The following PDE4D variants were observed in gnomAD, a reference collection of about 807,000 sequenced individuals.
PDE4D encodes 3',5'-cyclic-AMP phosphodiesterase 4D.
Under a neutral mutation model 87.4 loss-of-function variants are expected in PDE4D, and 24 were observed. That is an observed-to-expected ratio of 0.27 (90% CI 0.20 to 0.39). The LOEUF is 0.39. Ranked by LOEUF, PDE4D falls within the 10% of genes least tolerant of loss-of-function variation. The pLI is 1.00. For missense variants in PDE4D, 714 were observed against 1,041.0 expected (o/e 0.69, Z 4.32); for synonymous variants, 384 against 383.2 (o/e 1.00, Z -0.02).
chr5:59,106,118 C>A (rs908030282), intron 5 of PDE4D, among the ~76,000 whole-genome samples: 1 of 152,196 alleles, frequency 6.6e-6, no homozygotes, highest in Admixed American at 6.5e-5. Flanking sequence ...GATACTGGAT[C>A]ATCCACCCAG....
intron 1 of PDE4D, among the ~76,000 whole-genome samples, chr5:59,730,288 C>G (rs1199522496): frequency 3.9e-5 from 6 of 152,066 alleles, no homozygotes; most frequent in Non-Finnish European, 8.8e-5. Context: ...TTCGTAGATA[C>G]TAAACTGGGG....
At chr5:59,989,200 T>A (rs1762767176) in intron 2 of PDE4D, among the ~76,000 whole-genome samples, 2 of 150,752 alleles carry the variant, frequency 1.3e-5, no homozygotes, top group Non-Finnish European at 3.0e-5. Flanking sequence ...TGTGTGAACA[T>A]CACAGTGTAT....
At chr5:60,425,551 T>G (rs1049457064) in intron 1 of PDE4D, among the ~76,000 whole-genome samples, 1 of 149,722 alleles carries the variant, frequency 6.7e-6, no homozygotes, top group African/African-American at 2.5e-5. Flanking sequence ...ATTAAAGACT[T>G]AAATGTTAGA....
chr5:59,193,109 A>G (rs189046400), intron 3 of PDE4D, among the ~76,000 whole-genome samples: 41 of 152,340 alleles, frequency 2.7e-4, no homozygotes, highest in African/African-American at 9.9e-4. Flanking sequence ...TGGCATATGT[A>G]AAAAAGAGAT....
At chr5:60,103,451 A>G (rs1776467553) in intron 2 of PDE4D, among the ~76,000 whole-genome samples, 1 of 152,228 alleles carries the variant, frequency 6.6e-6, no homozygotes, top group African/African-American at 2.4e-5. Context: ...CATTCCAGCC[A>G]TATATTACTA....
chr5:59,169,594 C>T (rs540054328), intron 5 of PDE4D, among the ~76,000 whole-genome samples: 10 of 152,252 alleles, frequency 6.6e-5, no homozygotes, highest in South Asian at 2.1e-4. Context: ...TTTCACTAAT[C>T]GTGGAGCACT....
intron 2 of PDE4D, among the ~76,000 whole-genome samples, chr5:60,034,662 T>C (rs7703245): frequency 0.29 from 44,600 of 152,130 alleles, 7,325 homozygotes; most frequent in East Asian, 0.74. Flanking sequence ...ACGACTTGGA[T>C]ATCTTTTGAG....
At chr5:59,374,565 C>T (rs1394943902) in intron 1 of PDE4D, among the ~76,000 whole-genome samples, 1 of 152,098 alleles carries the variant, frequency 6.6e-6, no homozygotes, top group Non-Finnish European at 1.5e-5. Flanking sequence ...CCTAGACTCC[C>T]ACACAATAAT....
At chr5:59,632,698 A>C (rs1294779822) in intron 1 of PDE4D, among the ~76,000 whole-genome samples, 2 of 152,216 alleles carry the variant, frequency 1.3e-5, no homozygotes, top group Non-Finnish European at 2.9e-5. Flanking sequence ...ACATCAACAA[A>C]AAAGATGACC....
At chr5:59,320,455 A>G (rs914456762) in intron 1 of PDE4D, among the ~76,000 whole-genome samples, 5 of 152,094 alleles carry the variant, frequency 3.3e-5, no homozygotes, top group African/African-American at 1.2e-4. Context: ...TGAGAAACCC[A>G]TACACAGGAG....
intron 1 of PDE4D, among the ~76,000 whole-genome samples, chr5:59,499,087 A>G (rs1230276296): frequency 4.0e-5 from 6 of 151,540 alleles, no homozygotes; most frequent in Non-Finnish European, 2.9e-5. Flanking sequence ...ACCACAGTGG[A>G]AAAAAAACAG....
chr5:59,883,690 C>T lies in PDE4D; in HGVS notation c.455+9478G>A, dbSNP rs73761033. On this transcript the variant is annotated intron_variant, in intron 1 of 14. Transcript: ENST00000340635. Reference sequence around the variant, plus strand: ...GTTAATAGCAATATATTTTACCAAGCAACTCATTTTTTAACTTACCGATAT... The same window carrying T: ...GTTAATAGCAATATATTTTACCAAGTAACTCATTTTTTAACTTACCGATAT... 8.7e-3 allele frequency among the ~76,000 whole-genome samples: 1,320 copies of T among 152,144 alleles called. 22 individuals are homozygous for T. The highest frequency in any genetic ancestry group is 0.03 in the African/African-American group (1,253 of 41,518).
intron 4 of PDE4D, among the ~76,000 whole-genome samples, chr5:59,181,274 A>C (rs1224937762): frequency 6.6e-6 from 1 of 151,890 alleles, no homozygotes; most frequent in Admixed American, 6.6e-5. Context: ...CTAAGTTTTC[A>C]GATGTTTGCC....
At chr5:59,390,153 AAGG>A (rs1165133691) in intron 1 of PDE4D, among the ~76,000 whole-genome samples, 3 of 152,110 alleles carry the variant, frequency 2.0e-5, no homozygotes, top group African/African-American at 7.2e-5. Flanking sequence ...TTACAGTAAA[AAGG>A]AGATTTGAAT....
At chr5:60,226,808 A>G (rs1745164859) in intron 1 of PDE4D, among the ~76,000 whole-genome samples, 1 of 150,914 alleles carries the variant, frequency 6.6e-6, no homozygotes, top group African/African-American at 2.4e-5. Flanking sequence ...TTCTTTACTC[A>G]GGTGTCTTTG....
intron 1 of PDE4D, among the ~76,000 whole-genome samples, chr5:59,773,469 C>A (rs1382910465): frequency 1.3e-5 from 2 of 152,130 alleles, no homozygotes; most frequent in Admixed American, 6.5e-5. Context: ...CTTGGCTATT[C>A]TCAGCATATA....
chr5:59,178,907 C>G (rs1308067069), intron 5 of PDE4D, among the ~76,000 whole-genome samples: 1 of 152,072 alleles, frequency 6.6e-6, no homozygotes, highest in Non-Finnish European at 1.5e-5. Flanking sequence ...TGTGGCTTCT[C>G]TCACTAGAGG....
chr5:59,364,734 G>A (rs1479364516), intron 1 of PDE4D, among the ~76,000 whole-genome samples: 1 of 152,154 alleles, frequency 6.6e-6, no homozygotes, highest in Non-Finnish European at 1.5e-5. Flanking sequence ...AGAGCTAAAA[G>A]ATATAGACTA....
At chr5:59,346,825 G>T (rs1779689807) in intron 1 of PDE4D, among the ~76,000 whole-genome samples, 1 of 152,160 alleles carries the variant, frequency 6.6e-6, no homozygotes, top group South Asian at 2.1e-4. Context: ...ACTGAGGAAA[G>T]TTAGGAGGGA....
Sources: gnomAD v4.1 joint callset for allele counts (sites outside exome capture counted in the v4.1 genomes callset) on GRCh38, gnomAD v4.1.1 for gene constraint, MANE v1.5 for transcripts, NCBI Gene and HGNC (gene_info 2026-07-23, HGNC 2026-07-21) for gene names.